Variants in MYO5B observed in about 807,000 individuals in gnomAD.
MYO5B encodes myosin VB, also known as unconventional myosin-Vb.
A neutral mutation model predicts 229.3 loss-of-function variants in MYO5B; 143 were observed. That is an observed-to-expected ratio of 0.62 (90% CI 0.54 to 0.72). MYO5B has a LOEUF of 0.72. Among genes scored for constraint, MYO5B ranks in the 30% least tolerant of loss-of-function variants. MYO5B has a pLI of 0.00. For missense variants in MYO5B, 2,321 were observed against 2,331.0 expected (o/e 1.00, Z 0.09); for synonymous variants, 918 against 885.2 (o/e 1.04, Z -0.66).
At chr18:50,129,774 A>C (rs1473949853) in intron 1 of MYO5B, among the ~76,000 whole-genome samples, 1 of 152,166 alleles carries the variant, frequency 6.6e-6, no homozygotes, top group Non-Finnish European at 1.5e-5. Context: ...AAGTTCAAAA[A>C]TCCTCTATAC....
At chr18:50,136,679 G>A (rs1459546437) in intron 1 of MYO5B, among the ~76,000 whole-genome samples, 1 of 152,128 alleles carries the variant, frequency 6.6e-6, no homozygotes, top group Non-Finnish European at 1.5e-5. Flanking sequence ...AGGGTCTAAG[G>A]CATCTGGGTT....
intron 2 of MYO5B, among the ~76,000 whole-genome samples, chr18:50,050,822 G>T (rs1411183903): frequency 6.6e-6 from 1 of 152,190 alleles, no homozygotes; most frequent in African/African-American, 2.4e-5. Flanking sequence ...TTAGGTAAAA[G>T]GGAGGACAAA....
chr18:50,072,967 T>G (rs574865931), intron 1 of MYO5B, among the ~76,000 whole-genome samples: 4 of 152,262 alleles, frequency 2.6e-5, no homozygotes, highest in South Asian at 4.2e-4. Context: ...AGCCAGGGAT[T>G]TGTGGAAAGG....
At chr18:49,995,901 A>C (rs536001004) in intron 5 of MYO5B, among the ~76,000 whole-genome samples, 62 of 152,324 alleles carry the variant, frequency 4.1e-4, no homozygotes, top group South Asian at 8.3e-4. Context: ...ACAAAACAGA[A>C]ACTAAAGCAG....
At chr18:49,962,089 T>C (rs898584196) in intron 12 of MYO5B, among the ~76,000 whole-genome samples, 177 bp downstream of exon 12, 59 of 152,212 alleles carry the variant, frequency 3.9e-4, no homozygotes, top group Non-Finnish European at 7.3e-4. Context: ...ACTTTAAACA[T>C]GTTGCCTTCT....
intron 15 of MYO5B, 64 bp from the exon 16 acceptor site, chr18:49,936,413 A>G: frequency 8.7e-7 from 1 of 1,153,954 alleles, no homozygotes; most frequent in Non-Finnish European, 1.3e-6. Flanking sequence ...ATAAAGAAAA[A>G]CTCATATATG....
chr18:50,189,698 G>C (rs1033647578), intron 1 of MYO5B, among the ~76,000 whole-genome samples: 2 of 152,130 alleles, frequency 1.3e-5, no homozygotes, highest in Admixed American at 6.5e-5. Flanking sequence ...TTGGAAAAAA[G>C]AACATCACTC....
intron 16 of MYO5B, 119 bp from the exon 17 acceptor site, chr18:49,929,717 T>G: frequency 1.1e-6 from 1 of 876,282 alleles, no homozygotes; most frequent in Non-Finnish European, 1.8e-6. Flanking sequence ...GCCACTGAGT[T>G]ACAGCCACTG....
At chr18:50,142,544 T>C (rs1040021278) in intron 1 of MYO5B, among the ~76,000 whole-genome samples, 24 of 152,308 alleles carry the variant, frequency 1.6e-4, no homozygotes, top group East Asian at 9.6e-4. Flanking sequence ...GGGGTTTGTG[T>C]TGTCATTTTA....
In MYO5B at chr18:49,875,839, G is replaced by A. The variant is rs1192395405; in HGVS notation, c.3397-12C>T. On this transcript the variant is annotated splice_polypyrimidine_tract_variant and intron_variant, in intron 25 of 39. Coordinates refer to ENST00000285039, the MANE Select transcript of MYO5B (RefSeq NM_001080467.3). ...TCCAGGCCAATTTCCTTCAAAGGAA[G>A]ACAGGCACAGAAAAAAGGTTTTCCT... 3.1e-6 allele frequency: 5 copies of A among 1,613,896 alleles called. No individual in the cohort carries two copies. Among genetic ancestry groups the A allele is most frequent in the Non-Finnish European group, 4.2e-6 (5 of 1,180,012 alleles).
At chr18:50,081,462 G>T (rs954483699) in intron 1 of MYO5B, among the ~76,000 whole-genome samples, 4 of 152,192 alleles carry the variant, frequency 2.6e-5, no homozygotes, top group Non-Finnish European at 5.9e-5. Flanking sequence ...ACCAGCTACT[G>T]TAAAGGTGGT....
intron 1 of MYO5B, among the ~76,000 whole-genome samples, chr18:50,149,903 A>G (rs1164492551): frequency 1.8e-4 from 27 of 146,254 alleles, no homozygotes; most frequent in African/African-American, 2.5e-4. Context: ...GCAACCTACA[A>G]AATGGGAGAA....
chr18:49,996,488 A>C (rs1310458187), intron 5 of MYO5B, among the ~76,000 whole-genome samples: 1 of 152,246 alleles, frequency 6.6e-6, no homozygotes, highest in East Asian at 1.9e-4. Flanking sequence ...TGTTAAAAGA[A>C]TAAACTAGAA....
intron 1 of MYO5B, chr18:50,097,563 G>A (rs1162319346): frequency 3.9e-6 from 1 of 259,040 alleles, no homozygotes; most frequent in Non-Finnish European, 7.6e-6. Flanking sequence ...ATTTAGATGT[G>A]TAAGTTCTGG....
In MYO5B at chr18:49,912,192, G is replaced by C. The variant is rs75963492; in HGVS notation, c.2091-19C>G. ...GGCCCACCTGGAGGGAAAGCAAAGG[G>C]GCATCAGGTGACACATCCTGCCTCT... On this transcript the variant is annotated intron_variant, in intron 17 of 39. Coordinates refer to ENST00000285039, the MANE Select transcript of MYO5B (RefSeq NM_001080467.3). The C allele has an allele frequency of 7.5e-6, 12 of 1,593,702 alleles. No individual in the cohort carries two copies. The highest frequency in any genetic ancestry group is 2.7e-5 in the African/African-American group (2 of 74,474).
At chr18:49,942,380 CAAAAAAAAAAAAAAAAA>C (rs753691754) in intron 14 of MYO5B, among the ~76,000 whole-genome samples, 2 of 32,740 alleles carry the variant, frequency 6.1e-5, no homozygotes, top group Non-Finnish European at 1.2e-4. Flanking sequence ...TTCTGCACAG[CAAAAAAAAAAAAAAAAA>C]AAAAAAAACT....
intron 1 of MYO5B, among the ~76,000 whole-genome samples, chr18:50,162,055 A>T (rs2032774832): frequency 6.6e-6 from 1 of 152,242 alleles, no homozygotes; most frequent in South Asian, 2.1e-4. Flanking sequence ...CCACTCCCTC[A>T]GTAGTGGTAT....
chr18:50,192,772 GA>G lies in MYO5B; in HGVS notation c.27+1994del, dbSNP rs1254200259. Among the ~76,000 whole-genome samples the G allele has an allele frequency of 5.3e-5, 8 of 152,308 alleles. No homozygotes were observed. The East Asian group carries it at 1.5e-3, about 29-fold the overall frequency. On this transcript the variant is annotated intron_variant, in intron 1 of 39. Transcript: ENST00000285039. ...CTTTTCCAGTTAATAATGTAAAAGAGACTGCATTGACATGGTTAAATTCCCA... is the reference window on the plus strand; with the variant it reads ...CTTTTCCAGTTAATAATGTAAAAGAGCTGCATTGACATGGTTAAATTCCCA...
intron 17 of MYO5B, among the ~76,000 whole-genome samples, chr18:49,927,214 A>G (rs112587395): frequency 0.12 from 18,603 of 152,216 alleles, 1,376 homozygotes; most frequent in East Asian, 0.27. Context: ...GCTGAAAGAA[A>G]TCATAGATGA....
Sources: allele counts gnomAD v4.1 joint callset (sites outside exome capture counted in the v4.1 genomes callset), GRCh38; gene constraint gnomAD v4.1.1; transcripts MANE v1.5; gene names NCBI Gene and HGNC (gene_info 2026-07-23, HGNC 2026-07-21).